The following SYTL3 variants were observed in gnomAD, a reference collection of about 807,000 sequenced individuals.
SYTL3 encodes the protein synaptotagmin like 3.
In SYTL3, 88 loss-of-function variants were observed where a neutral mutation model predicts 82.1. The ratio of observed to expected loss-of-function variants is 1.07; its 90% confidence interval spans 0.90 to 1.28. The LOEUF (loss-of-function observed/expected upper bound fraction) is 1.28, where lower values mean the gene tolerates loss of function less well. SYTL3 is among the 50% of genes most tolerant of loss of function. The probability of loss-of-function intolerance (pLI) is 0.00; values close to 1 mark genes in which losing one functional copy is unlikely to be tolerated. For missense variants in SYTL3, 831 were observed against 757.6 expected (o/e 1.10, Z -1.14); for synonymous variants, 311 against 289.4 (o/e 1.07, Z -0.76).
chr6:158,757,111 C>T, intron 13 of SYTL3, 100 bp from the exon 14 acceptor site: 1 of 1,225,824 alleles, frequency 8.2e-7, no homozygotes. Context: ...CTGCGCCAGG[C>T]CCCGGGAAGT....
At chr6:158,652,537 C>T (rs1367882359) in intron 2 of SYTL3, among the ~76,000 whole-genome samples, 2 of 151,692 alleles carry the variant, frequency 1.3e-5, no homozygotes, top group African/African-American at 2.4e-5. Flanking sequence ...GCGTGAGCCA[C>T]CACGCCCGGC....
At chr6:158,707,307 C>A in intron 7 of SYTL3, 26 bp downstream of exon 7, 1 of 1,612,342 alleles carries the variant, frequency 6.2e-7, no homozygotes, top group South Asian at 1.1e-5. Flanking sequence ...GACAGACCGT[C>A]CCTGGCCCTC....
At chr6:158,669,611 C>T (rs1777135523) in intron 5 of SYTL3, among the ~76,000 whole-genome samples, 1 of 152,212 alleles carries the variant, frequency 6.6e-6, no homozygotes, top group Non-Finnish European at 1.5e-5. Context: ...CTGAATTGCT[C>T]AAATTTGTCT....
chr6:158,710,880 A>G (rs1461409811), intron 8 of SYTL3, among the ~76,000 whole-genome samples: 1 of 151,742 alleles, frequency 6.6e-6, no homozygotes, highest in Non-Finnish European at 1.5e-5. Flanking sequence ...TCCCGGGTTC[A>G]AGCGATTCTC....
chr6:158,763,658 TTACTC>T (rs1790316427), intron 17 of SYTL3, 149 bp downstream of exon 17: 2 of 671,006 alleles, frequency 3.0e-6, no homozygotes, highest in Non-Finnish European at 5.2e-6. Flanking sequence ...AGTCTAGTTT[TTACTC>T]TACAGCTGAG....
chr6:158,763,020 A>C (rs1250689965), intron 16 of SYTL3, among the ~76,000 whole-genome samples: 1 of 152,204 alleles, frequency 6.6e-6, no homozygotes, highest in East Asian at 1.9e-4. Context: ...TTAAAAGGAG[A>C]TAACGTGTAT....
chr6:158,716,802 C>T (rs1190375087), intron 9 of SYTL3, among the ~76,000 whole-genome samples: 3 of 152,186 alleles, frequency 2.0e-5, no homozygotes, highest in Admixed American at 2.0e-4. Flanking sequence ...GTGTCCATTG[C>T]AGTGGCCTCT....
rs146837233 is a variant in SYTL3, at chr6:158,723,925, G to A, written c.721-1578G>A. 2.4e-3 allele frequency among the ~76,000 whole-genome samples: 372 copies of A among 152,296 alleles called. 1 individual carries two copies. The highest frequency in any genetic ancestry group is 8.2e-3 in the African/African-American group (342 of 41,566). On this transcript the variant is annotated intron_variant, in intron 10 of 17. Transcript: ENST00000611299. ...TTGTGATCTGTGTCCACGTGTCTAC[G>A]TGTCTGTAGGTCTAGGACGTGCTTT... is the stretch of plus-strand genomic sequence containing the variant.
At chr6:158,723,307 A>C (rs1475664236) in intron 10 of SYTL3, among the ~76,000 whole-genome samples, 1 of 150,152 alleles carries the variant, frequency 6.7e-6, no homozygotes, top group African/African-American at 2.5e-5. Context: ...CAATCTCCTG[A>C]CCTCGTGATC....
At chr6:158,728,350 G>GA (rs903698021) in intron 11 of SYTL3, among the ~76,000 whole-genome samples, 6 of 146,986 alleles carry the variant, frequency 4.1e-5, no homozygotes, top group Non-Finnish European at 9.0e-5. Flanking sequence ...AAAAAAAAAA[G>GA]AAAAAAAAAG....
intron 6 of SYTL3, among the ~76,000 whole-genome samples, chr6:158,683,785 C>T (rs1001808014): frequency 6.6e-6 from 1 of 152,216 alleles, no homozygotes; most frequent in African/African-American, 2.4e-5. Flanking sequence ...ATGATTGAAT[C>T]AGTGAAGACC....
At chr6:158,695,964 A>G (rs1030006250) in intron 6 of SYTL3, among the ~76,000 whole-genome samples, 9 of 152,324 alleles carry the variant, frequency 5.9e-5, no homozygotes, top group Admixed American at 3.9e-4. Flanking sequence ...CCTCTTGACC[A>G]TTGTGAATAA....
Position 158,708,491 on chromosome 6 carries a change from C to CA in SYTL3, c.516+101dup, listed in dbSNP as rs1782375559. ...GGCTGAGGCCGGGCACGGAACCTCC[C>CA]AGCAAAGGGATCTGACTGTGCCTGG... On this transcript the variant is annotated intron_variant, in intron 8 of 17. Coordinates refer to ENST00000611299, the MANE Select transcript of SYTL3 (RefSeq NM_001242394.2). 3 of 1,139,924 alleles carry CA rather than the reference C, an allele frequency of 2.6e-6. No individual in the cohort carries two copies. The African/African-American group carries it at 4.6e-5, about 17-fold the overall frequency. The allele number at this position is 1,139,924 out of a possible 1,614,324, so 70.6% of individuals were successfully genotyped here. A position where few individuals can be genotyped will look rare whatever the true frequency, so the allele number is the denominator to read the frequency against.
intron 13 of SYTL3, among the ~76,000 whole-genome samples, chr6:158,755,407 G>A (rs187117739): frequency 1.7e-4 from 26 of 152,334 alleles, no homozygotes; most frequent in South Asian, 1.7e-3. Flanking sequence ...AAAGGCAGGA[G>A]AAAAGGGAAT....
intron 10 of SYTL3, 124 bp from the exon 11 acceptor site, chr6:158,725,379 C>A: frequency 9.7e-7 from 1 of 1,034,716 alleles, no homozygotes; most frequent in Non-Finnish European, 1.4e-6. Context: ...CAGGTGTGTC[C>A]TCCTACTCAG....
At chr6:158,675,648 T>C (rs1254780950) in intron 5 of SYTL3, among the ~76,000 whole-genome samples, 2 of 151,870 alleles carry the variant, frequency 1.3e-5, no homozygotes, top group Non-Finnish European at 2.9e-5. Flanking sequence ...ATCCCATCTC[T>C]ACTAAAAACA....
At chr6:158,683,215 CTTTTTTTTTT>C (rs35183958) in intron 6 of SYTL3, among the ~76,000 whole-genome samples, 1 of 92,112 alleles carries the variant, frequency 1.1e-5, no homozygotes. Context: ...GGCCCTATTC[CTTTTTTTTTT>C]TTTTTTTTTT....
At chr6:158,703,232 C>T (rs1270568892) in intron 6 of SYTL3, among the ~76,000 whole-genome samples, 5 of 151,812 alleles carry the variant, frequency 3.3e-5, no homozygotes, top group Admixed American at 1.3e-4. Flanking sequence ...AAATGCTCCG[C>T]GCCGTGCCTG....
At chr6:158,681,683 G>C (rs571746130) in intron 5 of SYTL3, among the ~76,000 whole-genome samples, 2 of 152,040 alleles carry the variant, frequency 1.3e-5, no homozygotes, top group African/African-American at 2.4e-5. Flanking sequence ...ACAACAACAA[G>C]AACAAGTTGT....
Sources: allele counts gnomAD v4.1 joint callset (sites outside exome capture counted in the v4.1 genomes callset), GRCh38; gene constraint gnomAD v4.1.1; transcripts MANE v1.5; gene names NCBI Gene and HGNC (gene_info 2026-07-23, HGNC 2026-07-21).